Variants in SYN2 observed in about 807,000 individuals in gnomAD.
SYN2 encodes synapsin II, also known as synapsin-2.
Under a neutral mutation model 50.9 loss-of-function variants are expected in SYN2, and 19 were observed. The observed-to-expected ratio is 0.37, with a 90% CI of 0.26 to 0.55. SYN2 has a LOEUF of 0.55. Among genes scored for constraint, SYN2 ranks in the 20% least tolerant of loss-of-function variants. SYN2 has a pLI of 0.81. For missense variants in SYN2, 587 were observed against 576.4 expected (o/e 1.02, Z -0.19); for synonymous variants, 255 against 224.9 (o/e 1.13, Z -1.20).
intron 1 of SYN2, among the ~76,000 whole-genome samples, chr3:12,016,294 A>G (rs1474485421): frequency 6.6e-6 from 1 of 152,252 alleles, no homozygotes; most frequent in Non-Finnish European, 1.5e-5. Context: ...TTGATGAAAT[A>G]ATTAGCAAAC....
At chr3:12,022,432 G>A (rs541132935) in intron 1 of SYN2, among the ~76,000 whole-genome samples, 27 of 152,056 alleles carry the variant, frequency 1.8e-4, no homozygotes, top group African/African-American at 3.9e-4. Context: ...TTTTTGAGAC[G>A]GAGTCTTGCT....
chr3:12,076,041 G>A (rs892458679), intron 1 of SYN2, among the ~76,000 whole-genome samples: 4 of 152,078 alleles, frequency 2.6e-5, no homozygotes, highest in African/African-American at 4.8e-5. Flanking sequence ...GAATATTGAG[G>A]TGCCTTTACA....
intron 3 of SYN2, among the ~76,000 whole-genome samples, chr3:12,144,456 C>T (rs1697098739): frequency 6.6e-6 from 1 of 152,166 alleles, no homozygotes; most frequent in East Asian, 1.9e-4. Context: ...AGATCATGGA[C>T]CTCTGTGGCA....
intron 1 of SYN2, among the ~76,000 whole-genome samples, chr3:12,053,596 T>C (rs1401476755): frequency 1.3e-5 from 2 of 152,070 alleles, no homozygotes; most frequent in African/African-American, 4.8e-5. Flanking sequence ...GTTTACATTA[T>C]TCTCATATAT....
At chr3:12,108,248 G>A (rs1696240762) in intron 1 of SYN2, among the ~76,000 whole-genome samples, 1 of 152,088 alleles carries the variant, frequency 6.6e-6, no homozygotes, top group Admixed American at 6.6e-5. Context: ...ACTCTTAGGA[G>A]CATCAGAGTG....
At chr3:12,160,088 C>G in intron 5 of SYN2, among the ~76,000 whole-genome samples, 1 of 145,132 alleles carries the variant, frequency 6.9e-6, no homozygotes, top group African/African-American at 2.5e-5. Flanking sequence ...AACAAAGAAG[C>G]AGGGGACTTG....
intron 5 of SYN2, among the ~76,000 whole-genome samples, chr3:12,158,055 C>T (rs1317237317): frequency 6.6e-6 from 1 of 152,190 alleles, no homozygotes; most frequent in Non-Finnish European, 1.5e-5. Context: ...GGTCCCCATC[C>T]TGCCGAGCTC....
intron 4 of SYN2, 120 bp downstream of exon 4, chr3:12,145,955 C>A: frequency 1.4e-6 from 2 of 1,410,476 alleles, no homozygotes; most frequent in South Asian, 1.3e-5. Context: ...CTACATCTTC[C>A]AGGCCCCTAG....
chr3:12,060,065 C>A (rs1268031330), intron 1 of SYN2, among the ~76,000 whole-genome samples: 19 of 152,172 alleles, frequency 1.2e-4, no homozygotes, highest in Admixed American at 1.2e-3. Context: ...TAGGAAGTCT[C>A]AGTTGAGATC....
chr3:12,153,851 C>T (rs1268231663), intron 5 of SYN2: 23 of 885,530 alleles, frequency 2.6e-5, no homozygotes, highest in Non-Finnish European at 3.6e-5. Context: ...CCCCAGTCTT[C>T]TCCTGGATTC....
chr3:12,028,095 A>C (rs553509411), intron 1 of SYN2, among the ~76,000 whole-genome samples: 92 of 118,126 alleles, frequency 7.8e-4, no homozygotes, highest in Non-Finnish European at 1.2e-3. Context: ...TCATTGTTCA[A>C]TTCCCACCTA....
At chr3:12,156,573 C>T (rs1171219587) in intron 5 of SYN2, among the ~76,000 whole-genome samples, 1 of 152,198 alleles carries the variant, frequency 6.6e-6, no homozygotes, top group Non-Finnish European at 1.5e-5. Context: ...ACTGGGTGAG[C>T]AGCCTGTCCT....
At chr3:12,182,024 A>T (rs576691782) in intron 10 of SYN2, among the ~76,000 whole-genome samples, 13 of 152,320 alleles carry the variant, frequency 8.5e-5, no homozygotes, top group African/African-American at 3.1e-4. Flanking sequence ...GGCACTGAGG[A>T]CATTTCAAAG....
Position 12,191,005 on chromosome 3 carries a change from G to A in SYN2, c.*380G>A. 5.9e-6 allele frequency: 6 copies of A among 1,012,644 alleles called. No individual in the cohort carries two copies. The highest frequency in any genetic ancestry group is 7.1e-6 in the Non-Finnish European group (6 of 848,412). The allele number at this position is 1,012,644 out of a possible 1,614,324, so 62.7% of individuals were successfully genotyped here. On this transcript the variant is annotated 3_prime_UTR_variant, in exon 13 of 13. Coordinates refer to ENST00000621198, the MANE Select transcript of SYN2 (RefSeq NM_133625.6). ...CAGCTTAACCTAGCTCAGTTGCAGT[G>A]CTAAGCATGCCCCGCCCCCATTCAG...
chr3:12,028,297 C>G (rs1694309040), intron 1 of SYN2, among the ~76,000 whole-genome samples: 1 of 151,590 alleles, frequency 6.6e-6, no homozygotes, highest in Non-Finnish European at 1.5e-5. Flanking sequence ...TCGGTTGGTT[C>G]CAAGTCTTTG....
At position 12,151,220 on chromosome 3, in the gene SYN2, T is replaced by A; in HGVS notation, c.685-17T>A. On this transcript the variant is annotated splice_polypyrimidine_tract_variant and intron_variant, in intron 4 of 12. Coordinates refer to ENST00000621198, the MANE Select transcript of SYN2 (RefSeq NM_133625.6). ...AGTTATCTAAGATAAGCTGTAACAT[T>A]TGCTTTTCTTTTGCAGTTTGCCCAG... The A allele has an allele frequency of 6.3e-7, 1 of 1,582,570 alleles. No individual in the cohort carries two copies. The highest frequency in any genetic ancestry group is 8.7e-7 in the Non-Finnish European group (1 of 1,155,058).
At chr3:12,117,305 A>C (rs1246293210) in intron 1 of SYN2, among the ~76,000 whole-genome samples, 2 of 152,166 alleles carry the variant, frequency 1.3e-5, no homozygotes, top group Non-Finnish European at 2.9e-5. Context: ...ACAACAAGGC[A>C]CTTTCTTCCA....
chr3:12,006,265 T>G (rs4684095), intron 1 of SYN2, among the ~76,000 whole-genome samples: 2 of 151,994 alleles, frequency 1.3e-5, no homozygotes, highest in Non-Finnish European at 2.9e-5. Context: ...GGGTGACTTA[T>G]GTGGTTGGCC....
intron 1 of SYN2, chr3:12,071,226 C>T (rs539203261): frequency 5.2e-5 from 29 of 553,982 alleles, no homozygotes; most frequent in South Asian, 1.6e-4. Context: ...TCAAGATCAT[C>T]GTGCCCCCAG....
Sources: allele counts gnomAD v4.1 joint callset (sites outside exome capture counted in the v4.1 genomes callset), GRCh38; gene constraint gnomAD v4.1.1; transcripts MANE v1.5; gene names NCBI Gene and HGNC (gene_info 2026-07-23, HGNC 2026-07-21).